The following ARFGAP3 variants were observed in gnomAD, a reference collection of about 807,000 sequenced individuals.
The protein encoded by ARFGAP3 is ARF GTPase activating protein 3.
ARFGAP3 carries 72 observed loss-of-function variants against 75.0 expected under a neutral mutation model. That is an observed-to-expected ratio of 0.96 (90% confidence interval 0.79 to 1.17). The LOEUF (loss-of-function observed/expected upper bound fraction) is 1.17, where lower values mean the gene tolerates loss of function less well. Among genes scored for constraint, ARFGAP3 ranks in the 50% most tolerant of loss-of-function variants. The probability of loss-of-function intolerance (pLI) is 0.00; values close to 1 mark genes in which losing one functional copy is unlikely to be tolerated. For synonymous variants in ARFGAP3, 221 were observed against 217.9 expected (o/e 1.01, Z -0.13); for missense variants, 620 against 626.6 (o/e 0.99, Z 0.11).
In ARFGAP3 at chr22:42,835,430, C is replaced by T. The variant is rs746565455; in HGVS notation, c.325G>A (p.Ala109Thr). 1 of 1,614,028 alleles carries T rather than the reference C, an allele frequency of 6.2e-7. No individual in the cohort carries two copies. Among genetic ancestry groups the T allele is most frequent in the African/African-American group, 1.3e-5 (1 of 74,924 alleles). The change falls in exon 4 of 16, where the codon GCT becomes ACT. Residue 109 changes from alanine to threonine, a missense_variant. Transcript: ENST00000263245. ...ATTTTCTCCCTATAGAGCTGAGCAG[C>T]ACGACTGTTGTACTTGGCATTGGTG... ...NDTNAKYNSRAAQLYREKIKS... is the reference protein window; with the variant it reads ...NDTNAKYNSRTAQLYREKIKS...
chr22:42,810,711 G>T, intron 12 of ARFGAP3, 102 bp downstream of exon 12: 1 of 997,330 alleles, frequency 1.0e-6, no homozygotes, highest in Non-Finnish European at 1.5e-6. Flanking sequence ...GAGCCGCCGT[G>T]CCCAGCCCCT....
chr22:42,815,740 A>G (rs1355113955), intron 11 of ARFGAP3, among the ~76,000 whole-genome samples: 1 of 152,214 alleles, frequency 6.6e-6, no homozygotes, highest in Non-Finnish European at 1.5e-5. Flanking sequence ...CATTTCCGAC[A>G]GGAACACCTT....
intron 6 of ARFGAP3, among the ~76,000 whole-genome samples, chr22:42,830,532 C>G (rs986616194): frequency 5.9e-5 from 9 of 152,116 alleles, no homozygotes; most frequent in Non-Finnish European, 1.3e-4. Flanking sequence ...GTATCATAAC[C>G]CATGAACTCA....
At chr22:42,828,900 G>T (rs1569155867) in intron 6 of ARFGAP3, among the ~76,000 whole-genome samples, 1 of 152,092 alleles carries the variant, frequency 6.6e-6, no homozygotes, top group South Asian at 2.1e-4. Flanking sequence ...GGCCAGGCTG[G>T]CCTTGAACCC....
rs139913680 is a variant in ARFGAP3 at position 42,842,654 on chromosome 22, C to T, written c.189-1638G>A. ...AGTAGAGACGGGGTTTTGCCATGTT[C>T]GCCAGGCTAGTCTCGAACTCCTGGC... On this transcript the variant is annotated intron_variant, in intron 2 of 15. Coordinates refer to ENST00000263245, the MANE Select transcript of ARFGAP3 (RefSeq NM_014570.5). Among the ~76,000 whole-genome samples the T allele has an allele frequency of 4.8e-3, 722 of 151,576 alleles. 8 individuals carry two copies. The highest frequency in any genetic ancestry group is 0.026 in the East Asian group (132 of 5,126).
chr22:42,800,161 C>G (rs1924791830), intron 14 of ARFGAP3, among the ~76,000 whole-genome samples: 1 of 152,164 alleles, frequency 6.6e-6, no homozygotes, highest in South Asian at 2.1e-4. Flanking sequence ...GAGCTCAACA[C>G]AAACCCTGCA....
chr22:42,849,306 T>C (rs556055697), intron 1 of ARFGAP3, among the ~76,000 whole-genome samples: 117 of 152,302 alleles, frequency 7.7e-4, no homozygotes, highest in African/African-American at 2.8e-3. Flanking sequence ...GAGATATTCC[T>C]TTATGAAATG....
At chr22:42,838,849 G>A (rs1290933987) in intron 3 of ARFGAP3, among the ~76,000 whole-genome samples, 1 of 152,078 alleles carries the variant, frequency 6.6e-6, no homozygotes, top group Non-Finnish European at 1.5e-5. Context: ...GGTGGCTCAT[G>A]CCTGTAATCC....
chr22:42,819,659 C>T (rs145045970), intron 9 of ARFGAP3, among the ~76,000 whole-genome samples: 131 of 152,300 alleles, frequency 8.6e-4, no homozygotes, highest in Middle Eastern at 6.8e-3. Context: ...TGAGGACGGG[C>T]TGGGAAACTG....
intron 1 of ARFGAP3, among the ~76,000 whole-genome samples, chr22:42,849,109 C>T (rs1404000396): frequency 6.6e-6 from 1 of 152,164 alleles, no homozygotes; most frequent in Non-Finnish European, 1.5e-5. Flanking sequence ...CTGCCAACCA[C>T]CATGTGAGTA....
chr22:42,857,199 C>T lies in ARFGAP3; in HGVS notation c.-17G>A. On this transcript the variant is annotated 5_prime_UTR_variant, in exon 1 of 16. Coordinates refer to ENST00000263245, the MANE Select transcript of ARFGAP3 (RefSeq NM_014570.5). ...GTCCCCCATCGTCAGCTGTGAGCCGCGGCGCAGCTGGCCCAGCCAACCGGT... is the reference window on the plus strand; with the variant it reads ...GTCCCCCATCGTCAGCTGTGAGCCGTGGCGCAGCTGGCCCAGCCAACCGGT... 1 of 1,507,204 alleles carries T rather than the reference C, an allele frequency of 6.6e-7. No individual in the cohort carries two copies. The highest frequency in any genetic ancestry group is 8.9e-7 in the Non-Finnish European group (1 of 1,124,970). 93.4% of individuals were successfully genotyped at this position (1,507,204 alleles called of 1,614,324 possible). A position where few individuals can be genotyped will look rare whatever the true frequency, so the allele number is the denominator to read the frequency against.
intron 3 of ARFGAP3, among the ~76,000 whole-genome samples, chr22:42,839,159 G>A (rs909039866): frequency 1.3e-5 from 2 of 149,710 alleles, no homozygotes; most frequent in African/African-American, 4.9e-5. Flanking sequence ...ACTTAGGTTT[G>A]TAAATGGGGT....
chr22:42,852,202 G>A (rs1337479141), intron 1 of ARFGAP3, among the ~76,000 whole-genome samples: 3 of 147,970 alleles, frequency 2.0e-5, no homozygotes, highest in African/African-American at 5.1e-5. Context: ...CCACAGGCAT[G>A]AGCCACCATG....
chr22:42,798,930 C>G, intron 15 of ARFGAP3, 109 bp downstream of exon 15: 1 of 892,456 alleles, frequency 1.1e-6, no homozygotes, highest in Non-Finnish European at 1.9e-6. Flanking sequence ...ACATATCGAT[C>G]CAATAATATA....
At position 42,837,978 on chromosome 22, in the gene ARFGAP3, A is replaced by G. The variant is rs76202740; in HGVS notation, c.262-2485T>C. ...GGAGCAACCATGCCTGGCCAGGCAT[A>G]TATTTTTAATTAAGAGGGGCAAAAA... On this transcript the variant is annotated intron_variant, in intron 3 of 15. Coordinates refer to ENST00000263245, the MANE Select transcript of ARFGAP3 (RefSeq NM_014570.5). Among the ~76,000 whole-genome samples the G allele has an allele frequency of 5.0e-3, 754 of 150,966 alleles. 11 individuals carry two copies. The highest frequency in any genetic ancestry group is 0.018 in the African/African-American group (726 of 41,154).
intron 6 of ARFGAP3, among the ~76,000 whole-genome samples, chr22:42,830,760 T>C (rs1003856058): frequency 2.0e-5 from 3 of 152,222 alleles, no homozygotes; most frequent in South Asian, 2.1e-4. Flanking sequence ...AGTTTTTAAA[T>C]TGAAATTTTG....
Position 42,810,919 on chromosome 22 carries a change from T to A in ARFGAP3, c.1090A>T (p.Arg364Trp). The change falls in exon 12 of 16, where the codon AGG (arginine) becomes TGG (tryptophan). Residue 364 changes from arginine (R) to tryptophan (W), a missense_variant. Coordinates refer to ENST00000263245, the MANE Select transcript of ARFGAP3 (RefSeq NM_014570.5). The stretch of plus-strand genomic sequence containing the variant: ...TCCCAGCTAGAGAAAGAACTGCTCC[T>A]TAACTCCACTGGCTCGTCAAAGTAA... ...SSYFDEPVEL[R>W]SSSFSSWDDS... is the part of the protein sequence containing the mutation. 6.2e-7 allele frequency: 1 copy of A among 1,614,214 alleles called. No homozygotes were observed.
intron 7 of ARFGAP3, among the ~76,000 whole-genome samples, chr22:42,824,658 C>T (rs1037799111): frequency 6.6e-6 from 1 of 152,002 alleles, no homozygotes; most frequent in African/African-American, 2.4e-5. Context: ...AACTATCATG[C>T]CCAGCCCAAA....
chr22:42,819,756 C>T (rs1925731541), intron 9 of ARFGAP3, among the ~76,000 whole-genome samples: 1 of 152,146 alleles, frequency 6.6e-6, no homozygotes, highest in Admixed American at 6.5e-5. Flanking sequence ...GTTTACTGAG[C>T]CGAAATAACT....
Sources: allele counts gnomAD v4.1 joint callset (sites outside exome capture counted in the v4.1 genomes callset), GRCh38; gene constraint gnomAD v4.1.1; transcripts MANE v1.5; gene names NCBI Gene and HGNC (gene_info 2026-07-23, HGNC 2026-07-21).